The following TMEM62 variants were observed in gnomAD, a reference collection of about 807,000 sequenced individuals.
TMEM62 encodes the protein transmembrane protein 62.
Under a neutral mutation model 70.4 loss-of-function variants are expected in TMEM62, and 41 were observed. That is an observed-to-expected ratio of 0.58 (90% CI 0.45 to 0.76). The LOEUF is 0.76. Ranked by LOEUF, TMEM62 falls within the 30% of genes least tolerant of loss-of-function variation. TMEM62 has a pLI of 0.00. For missense variants in TMEM62, 688 were observed against 788.5 expected (o/e 0.87, Z 1.53); for synonymous variants, 268 against 291.0 (o/e 0.92, Z 0.80).
intron 4 of TMEM62, chr15:43,146,214 T>C: frequency 3.7e-6 from 1 of 267,556 alleles, no homozygotes; most frequent in Middle Eastern, 1.2e-3. Flanking sequence ...TTTTGATTTC[T>C]TTTTGAACAT....
At chr15:43,138,551 C>CTTT in intron 3 of TMEM62, 23 bp from the exon 4 acceptor site, 8 of 1,317,294 alleles carry the variant, frequency 6.1e-6, no homozygotes, top group Admixed American at 2.2e-5. Context: ...TGAATGTTTG[C>CTTT]TTTTTTTTTT....
chr15:43,183,117 T>A lies in TMEM62; in HGVS notation c.1606-1143T>A, dbSNP rs2041513595. 2.0e-5 allele frequency among the ~76,000 whole-genome samples: 3 copies of A among 152,208 alleles called. No individual in the cohort carries two copies. In the South Asian group the frequency reaches 6.2e-4, roughly 32 times the overall value. On this transcript the variant is annotated intron_variant, in intron 13 of 13. Transcript: ENST00000260403. ...AAATGACTCCACCATTCACCTGATT[T>A]CTCCAAGATGTATCCTCAATTATTC...
rs117176897 is a variant in TMEM62 at position 43,146,404 on chromosome 15, A to C, written c.477-89A>C. On this transcript the variant is annotated intron_variant, in intron 4 of 13. Coordinates refer to ENST00000260403, the MANE Select transcript of TMEM62 (RefSeq NM_024956.4). ...GTCAGATCAGCAAATCTCGTTTTCA[A>C]AGGAAGGTAAAATCTAGCGTATTAG... The C allele has an allele frequency of 2.8e-3, 3,524 of 1,262,972 alleles. 15 individuals are homozygous for C. The highest frequency in any genetic ancestry group is 3.2e-3 in the Non-Finnish European group (2,974 of 922,902). The allele number at this position is 1,262,972 out of a possible 1,614,324, so 78.2% of individuals were successfully genotyped here. A position where few individuals can be genotyped will look rare whatever the true frequency, so the allele number is the denominator to read the frequency against.
intron 12 of TMEM62, among the ~76,000 whole-genome samples, chr15:43,180,458 C>T (rs147439860): frequency 2.5e-3 from 386 of 152,266 alleles, no homozygotes; most frequent in South Asian, 6.6e-3. Context: ...ATCTAACTGT[C>T]CCTTATCACT....
chr15:43,162,013 C>A (rs1485011507), intron 10 of TMEM62, among the ~76,000 whole-genome samples: 1 of 151,892 alleles, frequency 6.6e-6, no homozygotes, highest in South Asian at 2.1e-4. Flanking sequence ...TACTATTATA[C>A]CTTTATTCTC....
rs113300931 is a variant in TMEM62, at chr15:43,181,490, T to C, written c.1605+191T>C. Reference sequence around the variant, plus strand: ...TCCTAAACTCCTTCCACCACTCTCATGTAAACATCTAAAATACATTTTTTT... The same window carrying C: ...TCCTAAACTCCTTCCACCACTCTCACGTAAACATCTAAAATACATTTTTTT... On this transcript the variant is annotated intron_variant, in intron 13 of 13. Coordinates refer to ENST00000260403, the MANE Select transcript of TMEM62 (RefSeq NM_024956.4). Among the ~76,000 whole-genome samples the C allele has an allele frequency of 5.5e-3, 842 of 152,352 alleles. 8 individuals are homozygous for C. Among genetic ancestry groups the C allele is most frequent in the African/African-American group, 0.019 (799 of 41,580 alleles).
At chr15:43,156,593 TA>T in intron 9 of TMEM62, among the ~76,000 whole-genome samples, 1 of 152,084 alleles carries the variant, frequency 6.6e-6, no homozygotes, top group South Asian at 2.1e-4. Context: ...ATTTTCTTAA[TA>T]AGATATACAT....
intron 13 of TMEM62, among the ~76,000 whole-genome samples, chr15:43,181,508 A>T (rs1567247449): frequency 1.3e-5 from 2 of 151,584 alleles, no homozygotes; most frequent in Non-Finnish European, 1.5e-5. Flanking sequence ...TCTAAAATAC[A>T]TTTTTTTTTC....
At chr15:43,147,123 C>T (rs1326985114) in intron 5 of TMEM62, among the ~76,000 whole-genome samples, 1 of 152,110 alleles carries the variant, frequency 6.6e-6, no homozygotes, top group East Asian at 1.9e-4. Context: ...GCCACCATGC[C>T]CAGCTAATTT....
chr15:43,154,965 C>T (rs1053877394), intron 9 of TMEM62, 134 bp downstream of exon 9: 39 of 777,268 alleles, frequency 5.0e-5, no homozygotes, highest in South Asian at 2.5e-4. Flanking sequence ...TGGTGGCTCA[C>T]GCCTGTAATC....
chr15:43,151,042 A>G (rs1200751956), intron 7 of TMEM62, among the ~76,000 whole-genome samples: 2 of 152,248 alleles, frequency 1.3e-5, no homozygotes, highest in Non-Finnish European at 2.9e-5. Context: ...TTTCTTTGAA[A>G]TTATAGAAAT....
intron 9 of TMEM62, among the ~76,000 whole-genome samples, chr15:43,158,655 T>C (rs2038317829): frequency 6.6e-6 from 1 of 152,190 alleles, no homozygotes; most frequent in African/African-American, 2.4e-5. Flanking sequence ...TCTTTCCTTA[T>C]TATAGGAATA....
chr15:43,161,079 A>G (rs1381142845), intron 10 of TMEM62, among the ~76,000 whole-genome samples: 1 of 152,200 alleles, frequency 6.6e-6, no homozygotes, highest in Non-Finnish European at 1.5e-5. Flanking sequence ...ATTTATAGGA[A>G]AAAACATAAT....
chr15:43,173,718 C>G (rs1044842665), intron 11 of TMEM62, among the ~76,000 whole-genome samples: 2 of 152,258 alleles, frequency 1.3e-5, no homozygotes, highest in Middle Eastern at 3.4e-3. Context: ...TCATAATGAG[C>G]TCTTGCTTAT....
Position 43,134,317 on chromosome 15 carries a change from TTC to T in TMEM62, c.243_244del (p.Phe81LeufsTer3), listed in dbSNP as rs779495559. On this transcript the variant is annotated frameshift_variant, in exon 2 of 14. Coordinates refer to ENST00000260403, the MANE Select transcript of TMEM62 (RefSeq NM_024956.4). LOFTEE classifies it high-confidence loss of function. ...AGGCAGAGCGGTAGACTTAGAGAAA[TTC>T]TGTTCTGAAACTATTGACATCATTC... is the stretch of plus-strand genomic sequence containing the variant. ...DPGRAVDLEK[F>X]CSETIDIIQP... 6.2e-7 allele frequency: 1 copy of T among 1,614,146 alleles called. No homozygotes were observed.
chr15:43,177,111 A>G (rs2040840905), intron 11 of TMEM62, among the ~76,000 whole-genome samples: 1 of 152,054 alleles, frequency 6.6e-6, no homozygotes, highest in South Asian at 2.1e-4. Flanking sequence ...AATGAATGAA[A>G]TGAAGCGAGA....
In TMEM62 at chr15:43,146,546, C is replaced by A; in HGVS notation, c.530C>A (p.Pro177His). 1 of 1,613,802 alleles carries A rather than the reference C, an allele frequency of 6.2e-7. No homozygotes were observed. Among genetic ancestry groups the A allele is most frequent in the Admixed American group, 1.7e-5 (1 of 60,022 alleles). The change falls in exon 5 of 14, where the codon CCC becomes CAC. Residue 177 changes from proline to histidine, a missense_variant. Coordinates refer to ENST00000260403, the MANE Select transcript of TMEM62 (RefSeq NM_024956.4). ...DGSFHYVHSTPFGNYSFICVD... is the reference protein window; with the variant it reads ...DGSFHYVHSTHFGNYSFICVD... ...TCTTTCCATTATGTCCACAGTACTC[C>A]CTTTGGCAACTATTCGTTCATCTGT...
At chr15:43,139,504 G>T (rs2035708551) in intron 4 of TMEM62, among the ~76,000 whole-genome samples, 2 of 152,330 alleles carry the variant, frequency 1.3e-5, no homozygotes, top group South Asian at 4.1e-4. Flanking sequence ...TTTCAGATAG[G>T]CTGAAAGCTA....
rs1303757965 is a variant in TMEM62 at position 43,151,834 on chromosome 15, A to G, written c.911A>G (p.Asp304Gly). 1 of 1,613,910 alleles carries G rather than the reference A, an allele frequency of 6.2e-7. No individual in the cohort carries two copies. Among genetic ancestry groups the G allele is most frequent in the African/African-American group, 1.3e-5 (1 of 74,982 alleles). ...AFDHDLFSFA[D>G]LIFGKWPVVL... ...GATCACGACCTCTTTAGCTTTGCAG[A>G]TTTGATCTTTGGGAAGTGGCCTGTG... is the stretch of plus-strand genomic sequence containing the variant. The change falls in exon 8 of 14, where the codon GAT (aspartate) becomes GGT (glycine). Residue 304 changes from aspartate (D) to glycine (G), a missense_variant. Asp to Gly is a moderately conservative substitution (Grantham distance 94). Coordinates refer to ENST00000260403, the MANE Select transcript of TMEM62 (RefSeq NM_024956.4).
Sources: allele counts gnomAD v4.1 joint callset (sites outside exome capture counted in the v4.1 genomes callset), GRCh38; gene constraint gnomAD v4.1.1; transcripts MANE v1.5; gene names NCBI Gene and HGNC (gene_info 2026-07-23, HGNC 2026-07-21).